SPMIP7: variants seen among roughly 807,000 people sequenced by gnomAD.
SPMIP7 encodes the protein protein SPMIP7.
At chr7:50,118,324 A>G in the SPMIP7 span, among the ~76,000 whole-genome samples, 2 of 152,180 alleles carry the variant, frequency 1.3e-5, no homozygotes, top group Non-Finnish European at 2.9e-5. Flanking sequence ...TCATCATGTA[A>G]CAGACAGCAT....
the SPMIP7 span, among the ~76,000 whole-genome samples, chr7:50,143,364 G>A: frequency 1.3e-5 from 2 of 151,822 alleles, no homozygotes; most frequent in African/African-American, 4.8e-5. Context: ...TGGGGGTTTC[G>A]CCATGTTGGC....
At chr7:50,152,443 T>C in the SPMIP7 span, among the ~76,000 whole-genome samples, 1 of 152,218 alleles carries the variant, frequency 6.6e-6, no homozygotes, top group Admixed American at 6.5e-5. Flanking sequence ...GTTACTCATT[T>C]ATTATAACTC....
chr7:50,128,494 G>C, the SPMIP7 span, among the ~76,000 whole-genome samples: 77 of 152,078 alleles, frequency 5.1e-4, no homozygotes, highest in African/African-American at 1.5e-3. Flanking sequence ...AGAAAAGATA[G>C]ATATTTAAGG....
chr7:50,102,823 T>A, the SPMIP7 span, among the ~76,000 whole-genome samples: 3 of 151,960 alleles, frequency 2.0e-5, no homozygotes, highest in African/African-American at 7.3e-5. Flanking sequence ...ATGCCATAGT[T>A]TGCTTATTTC....
the SPMIP7 span, among the ~76,000 whole-genome samples, chr7:50,104,623 C>A: frequency 1.3e-5 from 2 of 152,062 alleles, no homozygotes; most frequent in Admixed American, 1.3e-4. Flanking sequence ...TCCCACAATA[C>A]CATGGGGGAG....
the SPMIP7 span, among the ~76,000 whole-genome samples, chr7:50,109,971 G>A: frequency 2.0e-5 from 3 of 152,008 alleles, no homozygotes; most frequent in Non-Finnish European, 4.4e-5. Context: ...AAGCTTAGGA[G>A]TAAAAGAACT....
the SPMIP7 span, among the ~76,000 whole-genome samples, chr7:50,102,852 A>T: frequency 1.3e-5 from 2 of 151,610 alleles, no homozygotes; most frequent in East Asian, 3.9e-4. Flanking sequence ...CATTAATTAT[A>T]GTTTTTATAA....
At chr7:50,133,977 A>G in the SPMIP7 span, 8 of 700,202 alleles carry the variant, frequency 1.1e-5, no homozygotes, top group Non-Finnish European at 1.8e-5. Context: ...GTGATTATAT[A>G]TGGTATACAC....
At chr7:50,099,501 A>G in the SPMIP7 span, among the ~76,000 whole-genome samples, 20 of 152,154 alleles carry the variant, frequency 1.3e-4, no homozygotes, top group Non-Finnish European at 2.6e-4. Context: ...CATTAGGCAA[A>G]GCAGGCACTT....
chr7:50,125,185 C>CATATATACACAT, the SPMIP7 span, among the ~76,000 whole-genome samples: 2 of 57,458 alleles, frequency 3.5e-5, no homozygotes, highest in East Asian at 6.7e-4. Context: ...TATATATACA[C>CATATATACACAT]ATATATACAC....
At chr7:50,117,314 G>A in the SPMIP7 span, 1 of 447,416 alleles carries the variant, frequency 2.2e-6, no homozygotes, top group South Asian at 1.6e-5. Flanking sequence ...GGACTCAGTA[G>A]CTAAGCCATA....
At chr7:50,129,141 G>C in the SPMIP7 span, among the ~76,000 whole-genome samples, 201 of 152,028 alleles carry the variant, frequency 1.3e-3, no homozygotes, top group African/African-American at 4.8e-3. Context: ...GTTTACATTT[G>C]TGAAAGAATT....
chr7:50,151,562 G>C, the SPMIP7 span: 1 of 1,530,004 alleles, frequency 6.5e-7, no homozygotes, highest in Non-Finnish European at 8.9e-7. Flanking sequence ...GCACCGGTAA[G>C]TATGAATCCT....
the SPMIP7 span, among the ~76,000 whole-genome samples, chr7:50,152,427 C>T: frequency 1.3e-5 from 2 of 152,128 alleles, no homozygotes. Flanking sequence ...TGAGAAGGAG[C>T]ACATGGTTAC....
chr7:50,132,302 C>T, the SPMIP7 span, among the ~76,000 whole-genome samples: 1 of 152,062 alleles, frequency 6.6e-6, no homozygotes, highest in Non-Finnish European at 1.5e-5. Flanking sequence ...AGGATGATAA[C>T]CAAATGGCTC....
At chr7:50,140,979 G>GA in the SPMIP7 span, among the ~76,000 whole-genome samples, 2 of 152,226 alleles carry the variant, frequency 1.3e-5, no homozygotes, top group Non-Finnish European at 2.9e-5. Context: ...GTCTCCAAAG[G>GA]AGTTGTGCTG....
the SPMIP7 span, chr7:50,096,350 G>A: frequency 3.2e-6 from 5 of 1,552,084 alleles, no homozygotes; most frequent in East Asian, 1.2e-4. Context: ...CCCACCATAT[G>A]GGCCACATTA....
At chr7:50,107,362 C>CAAAAA in the SPMIP7 span, among the ~76,000 whole-genome samples, 27 of 16,324 alleles carry the variant, frequency 1.7e-3, no homozygotes, top group Middle Eastern at 0.033. Flanking sequence ...GACTCTGTCT[C>CAAAAA]AAAAAAAAAA....
the SPMIP7 span, among the ~76,000 whole-genome samples, chr7:50,098,484 TTCTA>T: frequency 2.0e-5 from 3 of 152,284 alleles, no homozygotes; most frequent in East Asian, 1.9e-4. Context: ...TTGTATGTCT[TTCTA>T]TCTTTTTTTA....
Sources: gnomAD v4.1 joint callset for allele counts (sites outside exome capture counted in the v4.1 genomes callset) on GRCh38, gnomAD v4.1.1 for gene constraint, MANE v1.5 for transcripts, NCBI Gene and HGNC (gene_info 2026-07-23, HGNC 2026-07-21) for gene names.